Variants in CYFIP2 observed in about 807,000 individuals in gnomAD.
The protein encoded by CYFIP2 is cytoplasmic FMR1-interacting protein 2.
Under a neutral mutation model 158.7 loss-of-function variants are expected in CYFIP2, and 29 were observed. The ratio of observed to expected loss-of-function variants is 0.18; its 90% CI spans 0.14 to 0.25. CYFIP2 has a LOEUF of 0.25. Among genes scored for constraint, CYFIP2 ranks in the 10% least tolerant of loss-of-function variants. The pLI is 1.00. For missense variants in CYFIP2, 852 were observed against 1,639.5 expected, an observed-to-expected ratio of 0.52 and a Z score of 8.29; for synonymous variants, 585 against 617.6, an observed-to-expected ratio of 0.95 and a Z score of 0.78.
Position 157,330,806 on chromosome 5 carries a change from C to T in CYFIP2, c.2221C>T (p.Pro741Ser). ...TTATGGCGTCATCATTCCGTATCCA[C>T]CGTCCAATCGCTATGAAACACTGCT... ...KNYGVIIPYP[P>S]SNRYETLLKQ... Residue 741 changes from proline (P) to serine (S), a missense_variant, in exon 20 of 31, where the codon CCG (proline) becomes TCG (serine). Coordinates refer to ENST00000620254, the MANE Select transcript of CYFIP2 (RefSeq NM_001037333.3). 1 of 1,613,980 alleles carries T rather than the reference C, an allele frequency of 6.2e-7. No homozygotes were observed. The highest frequency in any genetic ancestry group is 8.5e-7 in the Non-Finnish European group (1 of 1,179,886).
At chr5:157,345,231 C>G (rs1301016964) in intron 23 of CYFIP2, 1 of 152,202 alleles carries the variant, frequency 6.6e-6, no homozygotes, top group Non-Finnish European at 1.5e-5. Flanking sequence ...TGTGTAAAAC[C>G]TTTCCATCAG....
At chr5:157,333,592 A>T in intron 21 of CYFIP2, 146 bp downstream of exon 21, 1 of 1,171,154 alleles carries the variant, frequency 8.5e-7, no homozygotes. Flanking sequence ...GGAAAGAAAA[A>T]CTTACACAGA....
chr5:157,277,401 T>C (rs1756650316), intron 1 of CYFIP2, among the ~76,000 whole-genome samples: 1 of 152,094 alleles, frequency 6.6e-6, no homozygotes, highest in Admixed American at 6.5e-5. Context: ...GTGTTATTAA[T>C]AGTGAAGGAG....
rs1581220071 is a variant in CYFIP2, at chr5:157,393,208, A to T, written c.*208A>T. On this transcript the variant is annotated 3_prime_UTR_variant, in exon 31 of 31. Coordinates refer to ENST00000620254, the MANE Select transcript of CYFIP2 (RefSeq NM_001037333.3). ...TGCTGGTTTCTCCATAGCATAAATGAAAAAAAAAAAAAAAAAGTAAACAGG... is the reference window on the plus strand; with the variant it reads ...TGCTGGTTTCTCCATAGCATAAATGTAAAAAAAAAAAAAAAAGTAAACAGG... 55 of 32,872 alleles carry T rather than the reference A, an allele frequency of 1.7e-3. No individual in the cohort carries two copies. Among genetic ancestry groups the T allele is most frequent in the East Asian group, 9.1e-3 (7 of 770 alleles). The allele number at this position is 32,872 out of a possible 1,614,324, so 2.0% of individuals were successfully genotyped here. A position where few individuals can be genotyped will look rare whatever the true frequency, so the allele number is the denominator to read the frequency against.
intron 15 of CYFIP2, among the ~76,000 whole-genome samples, chr5:157,323,659 C>A (rs1304225764): frequency 1.3e-5 from 2 of 152,164 alleles, no homozygotes; most frequent in Non-Finnish European, 2.9e-5. Flanking sequence ...ATATACACGC[C>A]CTTGGCCAAG....
chr5:157,377,720 TACA>T (rs1765622047), intron 26 of CYFIP2, among the ~76,000 whole-genome samples: 2 of 152,240 alleles, frequency 1.3e-5, no homozygotes, highest in Admixed American at 1.3e-4. Context: ...CAGAATTTGG[TACA>T]ACCTTGTTGG....
chr5:157,292,653 T>C (rs1249326490), intron 3 of CYFIP2, among the ~76,000 whole-genome samples: 1 of 152,236 alleles, frequency 6.6e-6, no homozygotes, highest in Admixed American at 6.5e-5. Context: ...ATTCGAGTTA[T>C]TGGGCTATTT....
At chr5:157,297,389 T>C (rs752511106) in intron 5 of CYFIP2, among the ~76,000 whole-genome samples, 5 of 152,220 alleles carry the variant, frequency 3.3e-5, no homozygotes, top group Non-Finnish European at 7.3e-5. Context: ...TAACTGTGTG[T>C]TTGTGAGTTA....
At chr5:157,307,576 C>A (rs1413040232) in intron 8 of CYFIP2, among the ~76,000 whole-genome samples, 185 bp from the exon 9 acceptor site, 1 of 151,966 alleles carries the variant, frequency 6.6e-6, no homozygotes, top group Non-Finnish European at 1.5e-5. Flanking sequence ...ATTAGACTTA[C>A]ATTTCCTGCC....
intron 26 of CYFIP2, among the ~76,000 whole-genome samples, chr5:157,378,598 C>T (rs1463915331): frequency 1.3e-5 from 2 of 152,078 alleles, no homozygotes; most frequent in African/African-American, 4.8e-5. Context: ...TGGAGTGGCT[C>T]CTGGATCGAA....
At chr5:157,356,249 T>A (rs909445884) in intron 23 of CYFIP2, among the ~76,000 whole-genome samples, 9 of 152,112 alleles carry the variant, frequency 5.9e-5, no homozygotes, top group African/African-American at 2.2e-4. Context: ...TAGGCTCCCA[T>A]GGCATAGAGG....
intron 23 of CYFIP2, among the ~76,000 whole-genome samples, chr5:157,346,831 A>T (rs1013797943): frequency 6.6e-6 from 1 of 152,122 alleles, no homozygotes; most frequent in African/African-American, 2.4e-5. Context: ...AGAAATGGAA[A>T]CTGTTTGCTA....
intron 22 of CYFIP2, 112 bp from the exon 23 acceptor site, chr5:157,340,958 C>CTTG: frequency 1.1e-6 from 1 of 931,698 alleles, no homozygotes; most frequent in East Asian, 2.5e-5. Context: ...AAACAGTGCA[C>CTTG]TTGTACCAGT....
chr5:157,284,366 A>G (rs1260888071), intron 1 of CYFIP2, among the ~76,000 whole-genome samples: 2 of 152,184 alleles, frequency 1.3e-5, no homozygotes, highest in Non-Finnish European at 2.9e-5. Flanking sequence ...ATGTTTTATA[A>G]ATTTTCAAAG....
chr5:157,320,052 T>G, intron 14 of CYFIP2, 124 bp downstream of exon 14: 3 of 1,199,074 alleles, frequency 2.5e-6, no homozygotes, highest in Non-Finnish European at 3.5e-6. Flanking sequence ...AGAGGGCTCT[T>G]TAGGAGATTG....
intron 15 of CYFIP2, 55 bp from the exon 16 acceptor site, chr5:157,323,866 T>C: frequency 6.9e-7 from 1 of 1,451,530 alleles, no homozygotes; most frequent in African/African-American, 1.4e-5. Context: ...AGCAACCTTT[T>C]TCCCCGGGGT....
intron 23 of CYFIP2, chr5:157,342,801 C>T: frequency 2.0e-6 from 3 of 1,499,228 alleles, no homozygotes; most frequent in Non-Finnish European, 2.7e-6. Context: ...CACATTTGTA[C>T]AAACGACCTA....
intron 30 of CYFIP2, among the ~76,000 whole-genome samples, chr5:157,391,812 G>A (rs764623712): frequency 2.8e-4 from 41 of 148,988 alleles, no homozygotes; most frequent in Admixed American, 4.7e-4. Flanking sequence ...TTGCTGGATC[G>A]TATGGTAATT....
In CYFIP2 at chr5:157,375,535, T is replaced by C. The variant is rs568742347; in HGVS notation, c.3040-7055T>C. On this transcript the variant is annotated intron_variant, in intron 26 of 30. Transcript: ENST00000620254. Reference sequence around the variant, plus strand: ...ACTGGATAGCTATGAGACTCTGTTATATTCTCTAAGCCTAGCTTATCCAAC... The same window carrying C: ...ACTGGATAGCTATGAGACTCTGTTACATTCTCTAAGCCTAGCTTATCCAAC... Among the ~76,000 whole-genome samples the C allele has an allele frequency of 2.6e-5, 4 of 152,318 alleles. No homozygotes were observed. The East Asian group carries it at 5.8e-4, about 22-fold the overall frequency.
Sources: allele counts gnomAD v4.1 joint callset (sites outside exome capture counted in the v4.1 genomes callset), GRCh38; gene constraint gnomAD v4.1.1; transcripts MANE v1.5; gene names NCBI Gene and HGNC (gene_info 2026-07-23, HGNC 2026-07-21).